Variants in RGL1 observed in about 807,000 individuals in gnomAD.
The protein encoded by RGL1 is ral guanine nucleotide dissociation stimulator-like 1.
In RGL1, 24 loss-of-function variants were observed where a neutral mutation model predicts 95.2. That is an observed-to-expected ratio of 0.25 (90% CI 0.18 to 0.35). The LOEUF (loss-of-function observed/expected upper bound fraction) is 0.35. Among genes scored for constraint, RGL1 ranks in the 10% least tolerant of loss-of-function variants. The probability of loss-of-function intolerance (pLI) is 1.00; values close to 1 mark genes in which losing one functional copy is unlikely to be tolerated. For synonymous variants in RGL1, 329 were observed against 344.9 expected, an observed-to-expected ratio of 0.95 and a Z score of 0.51; for missense variants, 715 against 936.3, an observed-to-expected ratio of 0.76 and a Z score of 3.08.
rs371463528 is a variant in RGL1, at chr1:183,814,771, G to A, written c.138+8286G>A. ...TCAGTCATATCAACTGAATCTCTCCGCAACCCTCTTGCTAGTAATTCTTCC... is the reference window on the plus strand; with the variant it reads ...TCAGTCATATCAACTGAATCTCTCCACAACCCTCTTGCTAGTAATTCTTCC... On this transcript the variant is annotated intron_variant, in intron 2 of 17. Transcript: ENST00000360851. Among the ~76,000 whole-genome samples the A allele has an allele frequency of 3.9e-5, 6 of 152,226 alleles. No individual in the cohort carries two copies. In the South Asian group the frequency reaches 8.3e-4, roughly 21 times the overall value.
intron 1 of RGL1, among the ~76,000 whole-genome samples, chr1:183,659,306 T>A (rs1572236723): frequency 6.6e-6 from 1 of 152,070 alleles, no homozygotes; most frequent in East Asian, 1.9e-4. Flanking sequence ...TTGAAAACTT[T>A]GAAAAAAATT....
intron 2 of RGL1, among the ~76,000 whole-genome samples, chr1:183,827,409 C>G (rs191974442): frequency 1.3e-5 from 2 of 152,298 alleles, no homozygotes; most frequent in Non-Finnish European, 2.9e-5. Context: ...GGCAGCTAAA[C>G]TTAAAAACTG....
At chr1:183,855,647 C>T (rs1003047073) in intron 3 of RGL1, among the ~76,000 whole-genome samples, 5 of 152,148 alleles carry the variant, frequency 3.3e-5, no homozygotes, top group East Asian at 1.9e-4. Flanking sequence ...AAACTGAACC[C>T]GCACGACGGG....
intron 2 of RGL1, among the ~76,000 whole-genome samples, chr1:183,837,423 G>T (rs957808321): frequency 2.6e-5 from 4 of 152,150 alleles, no homozygotes; most frequent in Non-Finnish European, 5.9e-5. Flanking sequence ...GACATTTGAG[G>T]CTCTGAATGA....
In RGL1 at chr1:183,773,478, G is replaced by T. The variant is rs574012331; in HGVS notation, c.132+31189G>T. ...TTCGCCCTGAGATGAGCATGTGAGT[G>T]ACAGGATTTCTGGGAATTAGTGGTG... On this transcript the variant is annotated intron_variant, in intron 2 of 18. Coordinates refer to the RGL1 transcript ENST00000304685. Among the ~76,000 whole-genome samples the T allele has an allele frequency of 3.9e-4, 59 of 152,312 alleles. 1 individual carries two copies. Among genetic ancestry groups the T allele is most frequent in the African/African-American group, 1.4e-3 (59 of 41,554 alleles).
chr1:183,852,996 T>G (rs1664919378), intron 3 of RGL1, among the ~76,000 whole-genome samples: 1 of 152,154 alleles, frequency 6.6e-6, no homozygotes, highest in Non-Finnish European at 1.5e-5. Context: ...TTTGGGCCAT[T>G]TCTTGAACAT....
At chr1:183,911,926 G>GT (rs1301953155) in intron 14 of RGL1, among the ~76,000 whole-genome samples, 156 bp from the exon 15 acceptor site, 6 of 152,212 alleles carry the variant, frequency 3.9e-5, no homozygotes, top group Admixed American at 3.3e-4. Flanking sequence ...ACTACTATTT[G>GT]TTAGAAACTT....
intron 4 of RGL1, among the ~76,000 whole-genome samples, chr1:183,877,462 G>A (rs1666565395): frequency 6.6e-6 from 1 of 152,116 alleles, no homozygotes; most frequent in African/African-American, 2.4e-5. Flanking sequence ...TATCAAGAAC[G>A]GAAAGTTTCT....
intron 1 of RGL1, among the ~76,000 whole-genome samples, chr1:183,727,695 C>G (rs973586802): frequency 2.0e-5 from 3 of 152,054 alleles, no homozygotes; most frequent in African/African-American, 4.8e-5. Flanking sequence ...AAGCATGCAG[C>G]AAACAGCAAA....
At chr1:183,700,249 C>T (rs1018690277) in intron 1 of RGL1, among the ~76,000 whole-genome samples, 13 of 152,122 alleles carry the variant, frequency 8.5e-5, no homozygotes, top group African/African-American at 2.9e-4. Context: ...GAATTGTAGG[C>T]TGATGATAGT....
At chr1:183,650,871 G>T (rs1221573929) in intron 1 of RGL1, among the ~76,000 whole-genome samples, 1 of 151,930 alleles carries the variant, frequency 6.6e-6, no homozygotes, top group Non-Finnish European at 1.5e-5. Flanking sequence ...GCTATAATGT[G>T]TGCCTTTATT....
At chr1:183,774,953 T>C (rs1659514739) in intron 2 of RGL1, among the ~76,000 whole-genome samples, 1 of 152,202 alleles carries the variant, frequency 6.6e-6, no homozygotes, top group Non-Finnish European at 1.5e-5. Context: ...ACTCACCAGA[T>C]CACAGCATCC....
chr1:183,689,826 A>G (rs1653837929), intron 1 of RGL1, among the ~76,000 whole-genome samples: 1 of 152,174 alleles, frequency 6.6e-6, no homozygotes, highest in Admixed American at 6.5e-5. Flanking sequence ...ATTATGCAAT[A>G]AAAAACATTC....
chr1:183,886,842 C>G lies in RGL1; in HGVS notation c.952-1632C>G, dbSNP rs148775793. Among the ~76,000 whole-genome samples the G allele has an allele frequency of 3.7e-3, 567 of 152,086 alleles. 3 individuals carry two copies. Among genetic ancestry groups the G allele is most frequent in the Middle Eastern group, 0.01 (3 of 294 alleles). On this transcript the variant is annotated intron_variant, in intron 7 of 17. Coordinates refer to ENST00000360851, the MANE Select transcript of RGL1 (RefSeq NM_001297671.3). ...AGAAAATTTTTCTGACCTAATATGACTATATTTTCTTGGACTGCCCTTAAT... is the reference window on the plus strand; with the variant it reads ...AGAAAATTTTTCTGACCTAATATGAGTATATTTTCTTGGACTGCCCTTAAT...
chr1:183,788,831 A>G (rs1427650374), intron 2 of RGL1, among the ~76,000 whole-genome samples: 1 of 152,162 alleles, frequency 6.6e-6, no homozygotes, highest in African/African-American at 2.4e-5. Flanking sequence ...ATGTGTGTGA[A>G]CTAGGGGGGC....
At chr1:183,925,320 A>G (rs1482196339) in intron 17 of RGL1, among the ~76,000 whole-genome samples, 1 of 152,052 alleles carries the variant, frequency 6.6e-6, no homozygotes, top group Non-Finnish European at 1.5e-5. Flanking sequence ...AGCATCACAC[A>G]CTGGGGCCTG....
chr1:183,903,368 C>G (rs1668136912), intron 12 of RGL1, among the ~76,000 whole-genome samples: 1 of 152,042 alleles, frequency 6.6e-6, no homozygotes. Flanking sequence ...TAGCACAGTT[C>G]TGAACTGTGC....
intron 1 of RGL1, among the ~76,000 whole-genome samples, chr1:183,734,678 A>G (rs182175621): frequency 3.9e-4 from 60 of 152,342 alleles, no homozygotes; most frequent in Non-Finnish European, 8.1e-4. Context: ...GAATTGTGAA[A>G]CATTTGAGCC....
At chr1:183,925,427 A>T (rs1669560201) in intron 17 of RGL1, among the ~76,000 whole-genome samples, 2 of 152,246 alleles carry the variant, frequency 1.3e-5, no homozygotes, top group South Asian at 4.1e-4. Flanking sequence ...GGTGCAGCAC[A>T]TGTATACCTA....
Sources: gnomAD v4.1 joint callset for allele counts (sites outside exome capture counted in the v4.1 genomes callset) on GRCh38, gnomAD v4.1.1 for gene constraint, MANE v1.5 for transcripts, NCBI Gene and HGNC (gene_info 2026-07-23, HGNC 2026-07-21) for gene names.